The following PXDN variants were observed in gnomAD, a reference collection of about 807,000 sequenced individuals.
The protein encoded by PXDN is peroxidasin.
In PXDN, 77 loss-of-function variants were observed where a neutral mutation model predicts 140.3. The observed-to-expected ratio is 0.55, with a 90% CI of 0.46 to 0.66. The LOEUF is 0.66. Among genes scored for constraint, PXDN ranks in the 30% least tolerant of loss-of-function variants. PXDN has a pLI of 0.00. For synonymous variants in PXDN, 911 were observed against 857.4 expected, an observed-to-expected ratio of 1.06 and a Z score of -1.09; for missense variants, 1,838 against 2,039.5, an observed-to-expected ratio of 0.90 and a Z score of 1.90.
chr2:1,639,377 C>T lies in PXDN; in HGVS notation c.3998G>A (p.Arg1333Gln), dbSNP rs935825802. ...GQFNAFSYHFRGRRSLEFSYQ... is the reference protein window; with the variant it reads ...GQFNAFSYHFQGRRSLEFSYQ... ...GCTGAACTCAAGAGACCGTCTGCCT[C>T]GGAAATGATAGGAAAAGGCATTGAA... The change falls in exon 20 of 23, where the codon CGA (arginine) becomes CAA (glutamine). Residue 1333 changes from arginine (R) to glutamine (Q), a missense_variant. Transcript: ENST00000252804. This position sits in a 1 kb window ranked among gnomAD's most constrained non-coding sequence, Gnocchi z 5.0. The T allele has an allele frequency of 8.1e-6, 13 of 1,613,860 alleles. No homozygotes were observed. Among genetic ancestry groups the T allele is most frequent in the Non-Finnish European group, 9.3e-6 (11 of 1,179,892 alleles).
At chr2:1,653,370 A>G in intron 16 of PXDN, 2 of 505,808 alleles carry the variant, frequency 4.0e-6, no homozygotes, top group South Asian at 1.9e-5. Flanking sequence ...TAACCCACTC[A>G]GGGCAGGTGG....
intron 5 of PXDN, 53 bp downstream of exon 5, chr2:1,684,027 G>A: frequency 6.7e-7 from 1 of 1,485,358 alleles, no homozygotes; most frequent in Non-Finnish European, 9.2e-7. Context: ...CCAAGCCAGT[G>A]ACTGAGGCTT....
intron 1 of PXDN, 145 bp downstream of exon 1, chr2:1,744,111 C>A: frequency 1.1e-6 from 1 of 951,926 alleles, no homozygotes; most frequent in Non-Finnish European, 1.4e-6. Context: ...TTCGGAGGTT[C>A]CCTTCTGCGT....
At chr2:1,677,671 C>T (rs1683755654) in intron 7 of PXDN, among the ~76,000 whole-genome samples, 1 of 152,074 alleles carries the variant, frequency 6.6e-6, no homozygotes, top group Admixed American at 6.5e-5. Flanking sequence ...TGACGGCTCC[C>T]AGGCTCCCGT....
rs531175244 is a variant in PXDN at position 1,664,980 on chromosome 2, G to T, written c.1386C>A (p.Pro462=). 1 of 1,611,738 alleles carries T rather than the reference G, an allele frequency of 6.2e-7. No individual in the cohort carries two copies. The highest frequency in any genetic ancestry group is 1.1e-5 in the South Asian group (1 of 90,510). The part of the protein sequence containing the change: ...FQCEAKGNPP[P]VIAWTKGGSQ... The stretch of plus-strand genomic sequence containing the variant: ...TACCTCCCTTGGTCCAGGCGATGAC[G>T]GGCGGCGGGTTGCCCTTGGCTTCAC... The change falls in exon 11 of 23, where the codon CCC becomes CCA. Residue 462 remains proline (P), a synonymous_variant. Coordinates refer to ENST00000252804, the MANE Select transcript of PXDN (RefSeq NM_012293.3).
intron 8 of PXDN, among the ~76,000 whole-genome samples, chr2:1,674,498 C>G (rs989057501): frequency 6.6e-6 from 1 of 152,228 alleles, no homozygotes; most frequent in South Asian, 2.1e-4. Flanking sequence ...CATGGCTTGG[C>G]CAGTCCTCGG....
At chr2:1,674,983 C>G (rs570698666) in intron 8 of PXDN, among the ~76,000 whole-genome samples, 1 of 152,194 alleles carries the variant, frequency 6.6e-6, no homozygotes, top group Non-Finnish European at 1.5e-5. Context: ...CCTGCCAGCG[C>G]GCAGCCAAAC....
At position 1,649,776 on chromosome 2, in the gene PXDN, C is replaced by T. The variant is rs113693826; in HGVS notation, c.2105-101G>A. 4 of 1,346,598 alleles carry T rather than the reference C, an allele frequency of 3.0e-6. No individual in the cohort carries two copies. In the South Asian group the frequency reaches 3.6e-5, roughly 12 times the overall value. The allele number at this position is 1,346,598 out of a possible 1,614,324, so 83.4% of individuals were successfully genotyped here. ...CTGCCGCTGACATGGGGCTATCTAC[C>T]CCCAGCTCATGAAACCTGTTGTGCG... On this transcript the variant is annotated intron_variant, in intron 16 of 22. Coordinates refer to ENST00000252804, the MANE Select transcript of PXDN (RefSeq NM_012293.3). The surrounding 1 kb of genome is among the most constrained non-coding windows in gnomAD (Gnocchi z 7.1).
At chr2:1,723,694 G>A (rs1685108780) in intron 1 of PXDN, among the ~76,000 whole-genome samples, 1 of 152,018 alleles carries the variant, frequency 6.6e-6, no homozygotes, top group South Asian at 2.1e-4. Flanking sequence ...ATGGATGGAT[G>A]GATGGATGAA....
At position 1,648,620 on chromosome 2, in the gene PXDN, C is replaced by T. The variant is rs765019551; in HGVS notation, c.3160G>A (p.Asp1054Asn). 3.7e-6 allele frequency: 6 copies of T among 1,611,626 alleles called. No individual in the cohort carries two copies. In the South Asian group the frequency reaches 5.5e-5, roughly 15 times the overall value. ...MRTLGEYHGY[D>N]PGINAGIFNA... ...AAGATGCCAGCATTGATGCCGGGGT[C>T]GTAGCCGTGGTACTCTCCCAGCGTC... Residue 1054 changes from aspartate (D) to asparagine (N), a missense_variant, in exon 17 of 23, where the codon GAC becomes AAC. By Grantham distance (23) the Asp-to-Asn change is conservative. Coordinates refer to ENST00000252804, the MANE Select transcript of PXDN (RefSeq NM_012293.3). This position sits in a 1 kb window ranked among gnomAD's most constrained non-coding sequence, Gnocchi z 8.9.
intron 9 of PXDN, among the ~76,000 whole-genome samples, chr2:1,669,100 C>T (rs983122758): frequency 6.6e-6 from 1 of 152,180 alleles, no homozygotes; most frequent in African/African-American, 2.4e-5. Context: ...CACATACACA[C>T]CATGGAATAC....
intron 1 of PXDN, among the ~76,000 whole-genome samples, chr2:1,724,894 G>A (rs1685142169): frequency 6.6e-6 from 1 of 152,174 alleles, no homozygotes; most frequent in East Asian, 1.9e-4. Context: ...TTCTGTTTCT[G>A]TGAAGAATGC....
intron 7 of PXDN, among the ~76,000 whole-genome samples, 181 bp from the exon 8 acceptor site, chr2:1,677,225 C>A (rs562111719): frequency 2.0e-5 from 3 of 152,126 alleles, no homozygotes; most frequent in Non-Finnish European, 4.4e-5. Flanking sequence ...GTCTATGGTG[C>A]GGATCTACAT....
intron 1 of PXDN, among the ~76,000 whole-genome samples, chr2:1,721,544 A>G (rs758508842): frequency 6.6e-5 from 10 of 152,224 alleles, no homozygotes; most frequent in Non-Finnish European, 1.2e-4. Context: ...CTTTTCTAAA[A>G]GCCTCAAATT....
intron 10 of PXDN, among the ~76,000 whole-genome samples, chr2:1,665,600 C>G (rs1036707825): frequency 1.3e-5 from 2 of 152,196 alleles, no homozygotes; most frequent in Non-Finnish European, 2.9e-5. Flanking sequence ...TGCAGATTCT[C>G]GACAGATTGC....
intron 17 of PXDN, among the ~76,000 whole-genome samples, chr2:1,645,551 A>G (rs1394361961): frequency 1.3e-5 from 2 of 152,240 alleles, no homozygotes; most frequent in Non-Finnish European, 2.9e-5. Context: ...TTGCTTACTG[A>G]ACAGGATGCA....
At chr2:1,638,781 T>A in intron 21 of PXDN, 65 bp downstream of exon 21, 1 of 1,604,890 alleles carries the variant, frequency 6.2e-7, no homozygotes, top group Non-Finnish European at 8.5e-7. Flanking sequence ...ACCCAGAAGG[T>A]TCGGGCAGGG....
At chr2:1,741,498 C>G (rs945768184) in intron 1 of PXDN, among the ~76,000 whole-genome samples, 1 of 152,170 alleles carries the variant, frequency 6.6e-6, no homozygotes, top group Non-Finnish European at 1.5e-5. Context: ...TCGATCCAAA[C>G]TGAGTCATGG....
Position 1,673,860 on chromosome 2 carries a change from C to T in PXDN, c.849-48G>A, listed in dbSNP as rs372399940. The T allele has an allele frequency of 7.5e-5, 120 of 1,593,826 alleles. 2 individuals carry two copies. In the South Asian group the frequency reaches 8.2e-4, roughly 11 times the overall value. ...TGGTCAAGTGTTGAAAGCACAAAGA[C>T]GTACCTCACCCATCCCCAGCACAGG... On this transcript the variant is annotated intron_variant, in intron 8 of 22. Transcript: ENST00000252804.
Sources: gnomAD v4.1 joint callset for allele counts (sites outside exome capture counted in the v4.1 genomes callset) on GRCh38, gnomAD v4.1.1 for gene constraint, Gnocchi (gnomAD v3.1) non-coding constraint, MANE v1.5 for transcripts, NCBI Gene and HGNC (gene_info 2026-07-23, HGNC 2026-07-21) for gene names.